The following LINGO2 variants were observed in gnomAD, a reference collection of about 807,000 sequenced individuals.
LINGO2 encodes the protein leucine rich repeat and Ig domain containing 2.
Under a neutral mutation model 30.6 loss-of-function variants are expected in LINGO2, and 14 were observed. That is an observed-to-expected ratio of 0.46 (90% CI 0.30 to 0.72). LINGO2 has a LOEUF of 0.72. Among genes scored for constraint, LINGO2 ranks in the 30% least tolerant of loss-of-function variants. LINGO2 has a pLI of 0.07. For missense variants in LINGO2, 729 were observed against 751.7 expected (o/e 0.97, Z 0.35); for synonymous variants, 317 against 288.5 (o/e 1.10, Z -1.00).
Position 28,457,182 on chromosome 9 carries a change from T to TA in LINGO2, c.-279+18757dup, listed in dbSNP as rs573187573. On this transcript the variant is annotated intron_variant, in intron 2 of 5. Transcript: ENST00000379992. ...GAAACCTTGACCCATCACAGTGGTT[T>TA]AAAAAAATGTTCATGAGCTCTGTGT... 1.4e-4 allele frequency among the ~76,000 whole-genome samples: 22 copies of TA among 152,168 alleles called. No homozygotes were observed. The East Asian group carries it at 3.5e-3, about 24-fold the overall frequency.
chr9:28,614,425 A>C (rs949174693), intron 1 of LINGO2, among the ~76,000 whole-genome samples: 1 of 152,166 alleles, frequency 6.6e-6, no homozygotes, highest in Non-Finnish European at 1.5e-5. Flanking sequence ...GAATTTTCTA[A>C]TAAAGAAAGA....
Position 28,148,942 on chromosome 9 carries a change from C to T in LINGO2, c.-86-136537G>A. On this transcript the variant is annotated intron_variant, in intron 4 of 5. Coordinates refer to ENST00000379992, the Ensembl canonical transcript of LINGO2. This position sits in a 1 kb window ranked among gnomAD's most constrained non-coding sequence, Gnocchi z 5.1. ...GGTCTTCTCCACACAGAGCTGCCGG[C>T]CACAGTTCCCACAAAAGAAAACTGT... 6.5e-7 allele frequency: 1 copy of T among 1,534,014 alleles called. No individual in the cohort carries two copies. Among genetic ancestry groups the T allele is most frequent in the South Asian group, 1.2e-5 (1 of 83,972 alleles).
chr9:28,558,520 A>C (rs1822871716), intron 1 of LINGO2, among the ~76,000 whole-genome samples: 1 of 151,878 alleles, frequency 6.6e-6, no homozygotes, highest in African/African-American at 2.4e-5. Context: ...TAGTAGGGGG[A>C]GTGAAGAGTA....
the LINGO2 span, among the ~76,000 whole-genome samples, chr9:28,887,290 G>C: frequency 6.6e-6 from 1 of 151,720 alleles, no homozygotes; most frequent in Non-Finnish European, 1.5e-5. Context: ...TTTTTCTCTA[G>C]TTATTGAAAG....
chr9:28,937,165 A>C, the LINGO2 span, among the ~76,000 whole-genome samples: 9 of 152,270 alleles, frequency 5.9e-5, no homozygotes, highest in African/African-American at 2.2e-4. Flanking sequence ...CCCAAAATTC[A>C]TGTTCTCTGG....
At chr9:27,993,033 T>C (rs187099619) in intron 5 of LINGO2, among the ~76,000 whole-genome samples, 172 of 152,264 alleles carry the variant, frequency 1.1e-3, no homozygotes, top group African/African-American at 4.1e-3. Context: ...AAATCAATCA[T>C]TGTCTGGATA....
At chr9:28,058,683 A>T (rs933877501) in intron 4 of LINGO2, among the ~76,000 whole-genome samples, 1 of 152,170 alleles carries the variant, frequency 6.6e-6, no homozygotes, top group Non-Finnish European at 1.5e-5. Flanking sequence ...CCAATTTATA[A>T]GGTAAATATA....
chr9:29,094,635 G>A, the LINGO2 span, among the ~76,000 whole-genome samples: 7 of 138,826 alleles, frequency 5.0e-5, 1 homozygote, highest in African/African-American at 1.9e-4. Context: ...GAGATGTGCT[G>A]TAAGTGTAAA....
the LINGO2 span, among the ~76,000 whole-genome samples, chr9:28,854,271 T>G: frequency 3.9e-5 from 6 of 152,040 alleles, no homozygotes; most frequent in Non-Finnish European, 2.9e-5. Flanking sequence ...TTAATATTAG[T>G]AAAACATAAG....
At chr9:28,188,222 T>A (rs1486711666) in intron 4 of LINGO2, among the ~76,000 whole-genome samples, 4 of 152,168 alleles carry the variant, frequency 2.6e-5, no homozygotes, top group Non-Finnish European at 5.9e-5. Context: ...ACTTATTCAC[T>A]CAGGGCTTCT....
the LINGO2 span, among the ~76,000 whole-genome samples, chr9:29,041,330 A>C: frequency 6.6e-6 from 1 of 152,080 alleles, no homozygotes; most frequent in South Asian, 2.1e-4. Flanking sequence ...AGACAAGCTT[A>C]TTTTAAAATT....
At chr9:29,138,606 C>A in the LINGO2 span, among the ~76,000 whole-genome samples, 4,103 of 151,942 alleles carry the variant, frequency 0.027, 77 homozygotes, top group Middle Eastern at 0.068. Flanking sequence ...GTACATAGCA[C>A]ATTAGTAGTA....
chr9:29,181,970 G>T, the LINGO2 span, among the ~76,000 whole-genome samples: 1 of 152,112 alleles, frequency 6.6e-6, no homozygotes, highest in Non-Finnish European at 1.5e-5. Flanking sequence ...TGACACTATG[G>T]TCTCTGTGAA....
At chr9:27,949,808 A>G (rs374656642) in exon 6 of LINGO2, 51 of 1,614,002 alleles carry the variant, frequency 3.2e-5, no homozygotes, top group Non-Finnish European at 4.0e-5. Flanking sequence ...TGCCTGCTTC[A>G]ATAGTGCTGA....
chr9:28,462,884 T>G (rs1326535370), intron 2 of LINGO2, among the ~76,000 whole-genome samples: 1 of 152,096 alleles, frequency 6.6e-6, no homozygotes, highest in Non-Finnish European at 1.5e-5. Context: ...TTACCCATCA[T>G]AGGATTTCTA....
chr9:28,068,014 G>A (rs1017762908), intron 4 of LINGO2, among the ~76,000 whole-genome samples: 1 of 152,008 alleles, frequency 6.6e-6, no homozygotes, highest in African/African-American at 2.4e-5. Context: ...ACAAAGTTGT[G>A]GCATAGTGCT....
intron 4 of LINGO2, among the ~76,000 whole-genome samples, chr9:28,110,144 A>G (rs572585693): frequency 3.5e-4 from 53 of 152,362 alleles, no homozygotes; most frequent in African/African-American, 1.1e-3. Flanking sequence ...AGCAATGGGG[A>G]AAAATTTCCC....
chr9:29,182,183 T>C, the LINGO2 span, among the ~76,000 whole-genome samples: 2 of 152,224 alleles, frequency 1.3e-5, no homozygotes, highest in Admixed American at 6.5e-5. Context: ...AAATGGCAAG[T>C]ACCCACAACG....
At chr9:29,035,163 G>A in the LINGO2 span, among the ~76,000 whole-genome samples, 4 of 151,902 alleles carry the variant, frequency 2.6e-5, no homozygotes, top group African/African-American at 9.7e-5. Flanking sequence ...ATAATATCTC[G>A]AAAATTATAA....
Sources: allele counts gnomAD v4.1 joint callset (sites outside exome capture counted in the v4.1 genomes callset), GRCh38; gene constraint gnomAD v4.1.1; non-coding constraint Gnocchi (gnomAD v3.1); transcripts MANE v1.5; gene names NCBI Gene and HGNC (gene_info 2026-07-23, HGNC 2026-07-21).